Variants in TMCC1 observed in about 807,000 individuals in gnomAD.
The protein encoded by TMCC1 is transmembrane and coiled-coil domains protein 1.
In TMCC1, 15 loss-of-function variants were observed where a neutral mutation model predicts 52.4. The observed-to-expected ratio is 0.29, with a 90% CI of 0.19 to 0.44. The LOEUF (loss-of-function observed/expected upper bound fraction) is 0.44, where lower values mean the gene tolerates loss of function less well. Among genes scored for constraint, TMCC1 ranks in the 20% least tolerant of loss-of-function variants. The pLI, the probability that TMCC1 is intolerant of heterozygous loss-of-function variation, is 1.00. For synonymous variants in TMCC1, 279 were observed against 301.9 expected, an observed-to-expected ratio of 0.92 and a Z score of 0.79; for missense variants, 503 against 806.0, an observed-to-expected ratio of 0.62 and a Z score of 4.55.
At chr3:129,783,785 TTAGAA>T (rs1438235668) in intron 4 of TMCC1, among the ~76,000 whole-genome samples, 1 of 152,194 alleles carries the variant, frequency 6.6e-6, no homozygotes, top group Non-Finnish European at 1.5e-5. Context: ...CTGTCTAAAA[TTAGAA>T]TAGAAGAACT....
chr3:129,750,570 ATTTTTTTTTT>A (rs374554261), intron 4 of TMCC1, among the ~76,000 whole-genome samples: 1 of 89,956 alleles, frequency 1.1e-5, no homozygotes, highest in Non-Finnish European at 2.2e-5. Context: ...ATAGATCTAA[ATTTTTTTTTT>A]TTTTTTTTTT....
intron 2 of TMCC1, among the ~76,000 whole-genome samples, chr3:129,852,678 T>C (rs941726865): frequency 6.6e-6 from 1 of 152,046 alleles, no homozygotes. Flanking sequence ...TTAAAAATGG[T>C]TGAGATGGTA....
At chr3:129,706,612 A>C (rs1038241226) in intron 4 of TMCC1, among the ~76,000 whole-genome samples, 2 of 152,190 alleles carry the variant, frequency 1.3e-5, no homozygotes, top group African/African-American at 4.8e-5. Flanking sequence ...CTGAGTACAG[A>C]CTTCCTACTA....
intron 2 of TMCC1, among the ~76,000 whole-genome samples, chr3:129,849,750 A>G (rs916509367): frequency 6.6e-6 from 1 of 151,974 alleles, no homozygotes; most frequent in African/African-American, 2.4e-5. Context: ...TGGGCAACAG[A>G]GCGAGACTCC....
chr3:129,654,024 C>T (rs1189078313), intron 6 of TMCC1, among the ~76,000 whole-genome samples: 1 of 152,104 alleles, frequency 6.6e-6, no homozygotes, highest in African/African-American at 2.4e-5. Context: ...TCCCACACCT[C>T]CCCCCAACCC....
intron 4 of TMCC1, among the ~76,000 whole-genome samples, chr3:129,818,186 A>G (rs2953459): frequency 0.99 from 149,776 of 151,930 alleles, 73,863 homozygotes; most frequent in East Asian, 1. Flanking sequence ...CAAGTGATCC[A>G]CCCACCTCAG....
chr3:129,721,196 T>C (rs1395643316), intron 4 of TMCC1, among the ~76,000 whole-genome samples: 1 of 152,202 alleles, frequency 6.6e-6, no homozygotes, highest in Non-Finnish European at 1.5e-5. Context: ...GGAATGCTCA[T>C]TCCTCAGCTG....
At chr3:129,782,771 G>A (rs1272031942) in intron 4 of TMCC1, among the ~76,000 whole-genome samples, 1 of 152,168 alleles carries the variant, frequency 6.6e-6, no homozygotes, top group Non-Finnish European at 1.5e-5. Context: ...TTTGATTACC[G>A]TATGAACTGC....
rs536702246 is a variant in TMCC1, at chr3:129,799,298, C to T, written c.576+28505G>A. 2.6e-5 allele frequency among the ~76,000 whole-genome samples: 4 copies of T among 152,212 alleles called. No individual in the cohort carries two copies. In the South Asian group the frequency reaches 8.3e-4, roughly 32 times the overall value. ...AAAAACTTGTATCATGCGTTACCTGCAGTAAATGCATGAAAGGAAGAAAGG... is the reference window on the plus strand; with the variant it reads ...AAAAACTTGTATCATGCGTTACCTGTAGTAAATGCATGAAAGGAAGAAAGG... On this transcript the variant is annotated intron_variant, in intron 4 of 6. Transcript: ENST00000393238.
intron 4 of TMCC1, among the ~76,000 whole-genome samples, chr3:129,718,321 C>A (rs1160933003): frequency 1.3e-5 from 2 of 152,348 alleles, no homozygotes; most frequent in East Asian, 3.9e-4. Flanking sequence ...ACAATTTTCA[C>A]AGCCACCTCC....
chr3:129,885,708 C>T (rs1313569363), intron 1 of TMCC1, among the ~76,000 whole-genome samples: 1 of 152,092 alleles, frequency 6.6e-6, no homozygotes, highest in Non-Finnish European at 1.5e-5. Context: ...GAATGGGAAT[C>T]CTGCCTACTA....
intron 4 of TMCC1, among the ~76,000 whole-genome samples, chr3:129,798,909 C>T (rs1013716708): frequency 6.6e-6 from 1 of 152,044 alleles, no homozygotes; most frequent in African/African-American, 2.4e-5. Context: ...ATTTTAGGCC[C>T]CTTAAATGAG....
At chr3:129,710,855 G>A (rs79661849) in intron 4 of TMCC1, among the ~76,000 whole-genome samples, 14,187 of 152,008 alleles carry the variant, frequency 0.093, 1,097 homozygotes, top group East Asian at 0.37. Context: ...TATATTCTCA[G>A]CCATGTTCCA....
rs2086156716 is a variant in TMCC1, at chr3:129,648,651, A to G, written c.*2830T>C. On this transcript the variant is annotated 3_prime_UTR_variant, in exon 7 of 7. Transcript: ENST00000393238. ...TAGAGGCATGGACAAATAAACCAGG[A>G]ATGTTTCATTTTAAAGGGAATGAAT... 1 of 151,970 alleles carries G rather than the reference A, an allele frequency of 6.6e-6. No homozygotes were observed. The highest frequency in any genetic ancestry group is 1.5e-5 in the Non-Finnish European group (1 of 67,992). The allele number at this position is 151,970 out of a possible 1,614,324, so 9.4% of individuals were successfully genotyped here. A position where few individuals can be genotyped will look rare whatever the true frequency, so the allele number is the denominator to read the frequency against.
intron 1 of TMCC1, among the ~76,000 whole-genome samples, chr3:129,892,138 A>G (rs1164896835): frequency 6.7e-6 from 1 of 150,192 alleles, no homozygotes; most frequent in Non-Finnish European, 1.5e-5. Context: ...GCTCATAATT[A>G]TAACAGTTCT....
chr3:129,749,662 G>A (rs1455060863), intron 4 of TMCC1, among the ~76,000 whole-genome samples: 1 of 152,082 alleles, frequency 6.6e-6, no homozygotes, highest in Non-Finnish European at 1.5e-5. Context: ...CATTATAAAA[G>A]TTTGATATCT....
intron 4 of TMCC1, among the ~76,000 whole-genome samples, chr3:129,745,863 C>T (rs1470126497): frequency 2.0e-5 from 3 of 151,718 alleles, no homozygotes; most frequent in Non-Finnish European, 4.4e-5. Flanking sequence ...ACTCGGGAGC[C>T]GAGATTGTGC....
intron 2 of TMCC1, among the ~76,000 whole-genome samples, chr3:129,852,805 G>A (rs2059975682): frequency 6.6e-6 from 1 of 152,102 alleles, no homozygotes; most frequent in Non-Finnish European, 1.5e-5. Flanking sequence ...TGCCTATTTT[G>A]TTTATAATTT....
intron 4 of TMCC1, among the ~76,000 whole-genome samples, chr3:129,737,693 GCCCTACAAACTAAGA>G (rs753597069): frequency 1.3e-5 from 2 of 152,018 alleles, no homozygotes; most frequent in Non-Finnish European, 2.9e-5. Context: ...TGTTATAGTA[GCCCTACAAACTAAGA>G]CACACACCCC....
Sources: allele counts gnomAD v4.1 joint callset (sites outside exome capture counted in the v4.1 genomes callset), GRCh38; gene constraint gnomAD v4.1.1; transcripts MANE v1.5; gene names NCBI Gene and HGNC (gene_info 2026-07-23, HGNC 2026-07-21).